The following SHC3 variants were observed in gnomAD, a reference collection of about 807,000 sequenced individuals.
The protein encoded by SHC3 is SHC-transforming protein 3.
Under a neutral mutation model 60.4 loss-of-function variants are expected in SHC3, and 15 were observed. The observed-to-expected ratio is 0.25, with a 90% CI of 0.17 to 0.38. SHC3 has a LOEUF of 0.38. Among genes scored for constraint, SHC3 ranks in the 10% least tolerant of loss-of-function variants. The probability of loss-of-function intolerance (pLI) is 1.00; values close to 1 mark genes in which losing one functional copy is unlikely to be tolerated. For synonymous variants in SHC3, 294 were observed against 325.9 expected, an observed-to-expected ratio of 0.90 and a Z score of 1.05; for missense variants, 677 against 786.1, an observed-to-expected ratio of 0.86 and a Z score of 1.66.
At chr9:89,101,515 C>A (rs1825782452) in intron 2 of SHC3, among the ~76,000 whole-genome samples, 1 of 151,736 alleles carries the variant, frequency 6.6e-6, no homozygotes, top group South Asian at 2.1e-4. Flanking sequence ...GATTGAGGAA[C>A]TTTCCTTCTA....
In SHC3 at chr9:89,012,776, T is replaced by G. The variant is rs1243429685; in HGVS notation, c.*671A>C. 6.6e-6 allele frequency: 1 copy of G among 152,198 alleles called. No homozygotes were observed. Among genetic ancestry groups the G allele is most frequent in the African/African-American group, 2.4e-5 (1 of 41,454 alleles). The allele number at this position is 152,198 out of a possible 1,614,324, so 9.4% of individuals were successfully genotyped here. ...GGTCAAGGGTGGCGGGGCCCTGTGC[T>G]CAGCAGGACCCGGAGAAGCTGGAGT... On this transcript the variant is annotated 3_prime_UTR_variant, in exon 12 of 12. Coordinates refer to ENST00000375835, the MANE Select transcript of SHC3 (RefSeq NM_016848.6).
chr9:89,157,578 T>G (rs1826641067), intron 1 of SHC3, among the ~76,000 whole-genome samples: 1 of 152,202 alleles, frequency 6.6e-6, no homozygotes, highest in Non-Finnish European at 1.5e-5. Context: ...ACTAATATAT[T>G]GCCAAAATGT....
intron 1 of SHC3, among the ~76,000 whole-genome samples, chr9:89,150,789 T>C (rs1357880445): frequency 6.6e-6 from 1 of 152,226 alleles, no homozygotes; most frequent in African/African-American, 2.4e-5. Flanking sequence ...CAAAATGTTT[T>C]CCAAAGCAGC....
At chr9:89,076,874 A>C (rs143362266) in intron 3 of SHC3, among the ~76,000 whole-genome samples, 1 of 152,318 alleles carries the variant, frequency 6.6e-6, no homozygotes, top group African/African-American at 2.4e-5. Context: ...TAAATAAATT[A>C]CCTTTAAAAA....
chr9:89,071,788 A>G (rs1408060514), intron 4 of SHC3, among the ~76,000 whole-genome samples: 2 of 152,222 alleles, frequency 1.3e-5, no homozygotes, highest in Non-Finnish European at 2.9e-5. Flanking sequence ...CTGGTCATAA[A>G]AAGGAGGACT....
chr9:89,095,954 G>A (rs753233585), intron 2 of SHC3, among the ~76,000 whole-genome samples: 9 of 152,248 alleles, frequency 5.9e-5, no homozygotes, highest in South Asian at 4.2e-4. Context: ...TGGGACACCC[G>A]AGGCAGCATC....
chr9:89,170,992 C>G (rs1039305849), intron 1 of SHC3, among the ~76,000 whole-genome samples: 5 of 152,098 alleles, frequency 3.3e-5, no homozygotes, highest in African/African-American at 2.4e-5. Context: ...GTACACAAAC[C>G]CCTCATAATT....
chr9:89,094,938 A>G (rs1825679293), intron 2 of SHC3, among the ~76,000 whole-genome samples: 1 of 150,768 alleles, frequency 6.6e-6, no homozygotes, highest in Non-Finnish European at 1.5e-5. Context: ...CAACAACAAC[A>G]AAAAAAACCA....
intron 11 of SHC3, among the ~76,000 whole-genome samples, chr9:89,031,312 C>A (rs534737574): frequency 6.6e-6 from 1 of 152,318 alleles, no homozygotes; most frequent in Admixed American, 6.5e-5. Flanking sequence ...CAGATACATT[C>A]ATTATCATCA....
chr9:89,095,686 C>T (rs1825691024), intron 2 of SHC3, among the ~76,000 whole-genome samples: 1 of 152,128 alleles, frequency 6.6e-6, no homozygotes, highest in African/African-American at 2.4e-5. Context: ...GGGAAAGCCA[C>T]ACACTGAGAG....
At chr9:89,057,315 C>CTTTTTT (rs10606274) in intron 6 of SHC3, among the ~76,000 whole-genome samples, 11 of 133,708 alleles carry the variant, frequency 8.2e-5, no homozygotes, top group East Asian at 2.3e-4. Flanking sequence ...TTTCCTTTTT[C>CTTTTTT]TTTTTTTTTT....
rs757812906 is a variant in SHC3 at position 89,046,917 on chromosome 9, C to T, written c.1040G>A (p.Ser347Asn). The change falls in exon 8 of 12, where the codon AGC (serine) becomes AAC (asparagine). Residue 347 changes from serine (S) to asparagine (N), a missense_variant. Coordinates refer to ENST00000375835, the MANE Select transcript of SHC3 (RefSeq NM_016848.6). ...SDHPYYNSIP[S>N]KMPPPGGFLD... ...AAAGCCCCCTGGAGGAGGCATCTTG[C>T]TTGGGATGCTGTTGTAGTATGGGTG... 1.4e-5 allele frequency: 22 copies of T among 1,611,354 alleles called. 1 individual carries two copies. The highest frequency in any genetic ancestry group is 3.4e-6 in the Non-Finnish European group (4 of 1,178,960).
At chr9:89,103,490 C>T (rs1825812595) in intron 2 of SHC3, among the ~76,000 whole-genome samples, 1 of 152,130 alleles carries the variant, frequency 6.6e-6, no homozygotes, top group Admixed American at 6.5e-5. Flanking sequence ...TGGCTACCTC[C>T]AAAAAGACAT....
Position 89,035,889 on chromosome 9 carries a change from G to GTGTGTA in SHC3, c.1656+2103_1656+2104insTACACA, listed in dbSNP as rs1554690049. On this transcript the variant is annotated intron_variant, in intron 11 of 11. Transcript: ENST00000375835. ...TGTGTGTGTGTGTGTGTGTGTGTGT[G>GTGTGTA]TATTGGGTCTCTATCTCATTTCATA... Among the ~76,000 whole-genome samples, 107 of 142,586 alleles carry GTGTGTA rather than the reference G, an allele frequency of 7.5e-4. 1 individual carries two copies. Among genetic ancestry groups the GTGTGTA allele is most frequent in the African/African-American group, 1.6e-3 (64 of 39,210 alleles). 93.5% of individuals were successfully genotyped at this position (142,586 alleles called of 152,430 possible).
intron 1 of SHC3, among the ~76,000 whole-genome samples, chr9:89,155,729 T>C (rs965989547): frequency 2.6e-5 from 4 of 152,174 alleles, no homozygotes; most frequent in Admixed American, 2.6e-4. Flanking sequence ...ACAAGGACTT[T>C]CCTTGCCTTG....
At chr9:89,145,324 T>C (rs925358105) in intron 1 of SHC3, among the ~76,000 whole-genome samples, 41 of 152,352 alleles carry the variant, frequency 2.7e-4, no homozygotes, top group Admixed American at 8.5e-4. Context: ...GAGAATGCCT[T>C]GTATAGATGG....
chr9:89,177,117 G>C (rs1826951916), intron 1 of SHC3, among the ~76,000 whole-genome samples: 1 of 152,208 alleles, frequency 6.6e-6, no homozygotes, highest in South Asian at 2.1e-4. Context: ...GGCTGTTAAA[G>C]CTCTGAGCTG....
chr9:89,072,591 A>G (rs1312890464), intron 4 of SHC3, among the ~76,000 whole-genome samples: 1 of 152,212 alleles, frequency 6.6e-6, no homozygotes, highest in Non-Finnish European at 1.5e-5. Flanking sequence ...ACTGCAGCGT[A>G]CAGTGGAATT....
At chr9:89,145,569 G>T (rs1237559437) in intron 1 of SHC3, among the ~76,000 whole-genome samples, 1 of 152,236 alleles carries the variant, frequency 6.6e-6, no homozygotes, top group Non-Finnish European at 1.5e-5. Context: ...AGATTCGGCT[G>T]TTCCGGTGTC....
Sources: gnomAD v4.1 joint callset for allele counts (sites outside exome capture counted in the v4.1 genomes callset) on GRCh38, gnomAD v4.1.1 for gene constraint, MANE v1.5 for transcripts, NCBI Gene and HGNC (gene_info 2026-07-23, HGNC 2026-07-21) for gene names.